Variants in GRIP1 observed in about 807,000 individuals in gnomAD.
GRIP1 encodes the protein glutamate receptor interacting protein 1.
Under a neutral mutation model 129.9 loss-of-function variants are expected in GRIP1, and 45 were observed. That is an observed-to-expected ratio of 0.35 (90% CI 0.27 to 0.44). GRIP1 has a LOEUF of 0.44. Ranked by LOEUF, GRIP1 falls within the 20% of genes least tolerant of loss-of-function variation. The probability of loss-of-function intolerance (pLI) is 1.00; values close to 1 mark genes in which losing one functional copy is unlikely to be tolerated. For synonymous variants in GRIP1, 530 were observed against 520.8 expected, an observed-to-expected ratio of 1.02 and a Z score of -0.24; for missense variants, 1,196 against 1,396.8, an observed-to-expected ratio of 0.86 and a Z score of 2.29.
chr12:67,036,474 C>G (rs774393), intron 1 of GRIP1, among the ~76,000 whole-genome samples: 48,891 of 151,662 alleles, frequency 0.32, 9,517 homozygotes, highest in East Asian at 0.59. Flanking sequence ...ATTACAGGTG[C>G]CCACCACTAT....
At chr12:66,902,446 A>G (rs142078459) in intron 1 of GRIP1, among the ~76,000 whole-genome samples, 158 of 152,280 alleles carry the variant, frequency 1.0e-3, no homozygotes, top group African/African-American at 3.5e-3. Flanking sequence ...ATGGTGCAGA[A>G]GTATGTGAAC....
At chr12:66,879,040 ATAC>A (rs1333292253) in intron 1 of GRIP1, among the ~76,000 whole-genome samples, 2 of 152,072 alleles carry the variant, frequency 1.3e-5, no homozygotes, top group Non-Finnish European at 2.9e-5. Flanking sequence ...AATGCATTGC[ATAC>A]TACATAATGT....
rs540360007 is a variant in GRIP1, at chr12:67,000,903, C to T, written c.58+68147G>A. On this transcript the variant is annotated intron_variant, in intron 1 of 1. Coordinates refer to the GRIP1 transcript ENST00000643019. Reference sequence around the variant, plus strand: ...AAAACTGTTTCAGGATAAGGATGCCCCACGCAATATTTGGGTAATATACTC... The same window carrying T: ...AAAACTGTTTCAGGATAAGGATGCCTCACGCAATATTTGGGTAATATACTC... Among the ~76,000 whole-genome samples, 5 of 152,144 alleles carry T rather than the reference C, an allele frequency of 3.3e-5. No homozygotes were observed. The South Asian group carries it at 1.0e-3, about 32-fold the overall frequency.
intron 1 of GRIP1, among the ~76,000 whole-genome samples, chr12:66,978,692 G>A (rs1325476047): frequency 1.3e-5 from 2 of 152,012 alleles, no homozygotes; most frequent in Admixed American, 1.3e-4. Flanking sequence ...AAGAAGTATT[G>A]GCGTCAAAAG....
chr12:66,732,301 A>AG (rs2036463244), intron 1 of GRIP1, among the ~76,000 whole-genome samples: 1 of 152,170 alleles, frequency 6.6e-6, no homozygotes, highest in Non-Finnish European at 1.5e-5. Flanking sequence ...CTGTAATCCC[A>AG]GTACTTTGAG....
At position 66,679,041 on chromosome 12, in the gene GRIP1, C is replaced by T. The variant is rs2034471853; in HGVS notation, c.-137G>A. 1 of 1,548,370 alleles carries T rather than the reference C, an allele frequency of 6.5e-7. No individual in the cohort carries two copies. Among genetic ancestry groups the T allele is most frequent in the Admixed American group, 1.9e-5 (1 of 51,788 alleles). ...AGTGGGGAGTGACAAAGCTTAATTC[C>T]TCTTGGCTGATGCAGAGGTCCGCTA... On this transcript the variant is annotated 5_prime_UTR_variant, in exon 1 of 25. Transcript: ENST00000359742.
intron 11 of GRIP1, 45 bp downstream of exon 11, chr12:66,455,364 C>A: frequency 6.3e-7 from 1 of 1,593,048 alleles, no homozygotes; most frequent in Non-Finnish European, 8.6e-7. Context: ...CCATTGCCCA[C>A]AGGTTTTTTC....
At chr12:66,483,902 C>A (rs1315403437) in intron 7 of GRIP1, among the ~76,000 whole-genome samples, 2 of 151,576 alleles carry the variant, frequency 1.3e-5, no homozygotes, top group African/African-American at 4.9e-5. Context: ...CTCTGTCGCC[C>A]AGGCTGGAGT....
chr12:66,377,009 G>A lies in GRIP1; in HGVS notation c.2778+8C>T, dbSNP rs1308812463. Reference sequence around the variant, plus strand: ...ACAAGCAAAAATATAAACATAAAGGGTAGCTACCAAGAGAGTCATGTTTCT... The same window carrying A: ...ACAAGCAAAAATATAAACATAAAGGATAGCTACCAAGAGAGTCATGTTTCT... On this transcript the variant is annotated splice_region_variant and intron_variant, in intron 22 of 24. Transcript: ENST00000359742. The A allele has an allele frequency of 1.1e-5, 17 of 1,600,668 alleles. No homozygotes were observed. Among genetic ancestry groups the A allele is most frequent in the Non-Finnish European group, 1.3e-5 (15 of 1,167,714 alleles).
At chr12:66,804,415 A>G (rs2038944292), upstream of GRIP1, among the ~76,000 whole-genome samples, 1 of 152,184 alleles carries the variant, frequency 6.6e-6, no homozygotes, top group African/African-American at 2.4e-5. Context: ...AGATCAATAA[A>G]CTGTCAAATC....
intron 1 of GRIP1, among the ~76,000 whole-genome samples, chr12:66,947,884 T>A (rs950587835): frequency 1.2e-4 from 18 of 152,226 alleles, no homozygotes; most frequent in African/African-American, 4.1e-4. Context: ...GAAGGAACCA[T>A]CTTCATGTTC....
chr12:66,430,511 C>G (rs1001424283), intron 14 of GRIP1, among the ~76,000 whole-genome samples: 3 of 152,242 alleles, frequency 2.0e-5, no homozygotes, highest in Non-Finnish European at 2.9e-5. Flanking sequence ...AAGTAAAACA[C>G]TCATGCAAAA....
At chr12:66,353,076 T>G (rs1412711912) in intron 24 of GRIP1, among the ~76,000 whole-genome samples, 1 of 152,136 alleles carries the variant, frequency 6.6e-6, no homozygotes, top group Non-Finnish European at 1.5e-5. Flanking sequence ...AGGACTAGAC[T>G]GGTGGTGCCT....
intron 1 of GRIP1, among the ~76,000 whole-genome samples, chr12:67,024,624 A>C (rs919567641): frequency 6.6e-6 from 1 of 152,204 alleles, no homozygotes; most frequent in African/African-American, 2.4e-5. Context: ...CTAAATGCAA[A>C]GTCTAAATTA....
At chr12:66,476,864 G>T (rs2059631960) in intron 7 of GRIP1, among the ~76,000 whole-genome samples, 1 of 152,160 alleles carries the variant, frequency 6.6e-6, no homozygotes, top group African/African-American at 2.4e-5. Flanking sequence ...ATTAGGTATT[G>T]ATGGGACGTA....
intron 16 of GRIP1, among the ~76,000 whole-genome samples, chr12:66,396,859 C>G (rs530887918): frequency 6.6e-6 from 1 of 151,964 alleles, no homozygotes; most frequent in South Asian, 2.1e-4. Flanking sequence ...ACCTGTAATC[C>G]CAGCGCTTTG....
chr12:66,698,676 T>C (rs529958831), intron 1 of GRIP1, among the ~76,000 whole-genome samples: 2 of 152,294 alleles, frequency 1.3e-5, no homozygotes, highest in East Asian at 3.9e-4. Context: ...ACCTCCTTTG[T>C]TGGCTCTAGG....
At chr12:66,755,726 A>G (rs1052954971) in intron 1 of GRIP1, among the ~76,000 whole-genome samples, 6 of 152,188 alleles carry the variant, frequency 3.9e-5, no homozygotes, top group African/African-American at 1.4e-4. Flanking sequence ...GGCAGTCCAC[A>G]CTACAGCTGG....
chr12:66,530,737 A>G (rs2061411600), intron 4 of GRIP1, among the ~76,000 whole-genome samples: 1 of 152,156 alleles, frequency 6.6e-6, no homozygotes, highest in Admixed American at 6.6e-5. Context: ...CTGCATAAAA[A>G]AACCCATAAA....
Sources: gnomAD v4.1 joint callset for allele counts (sites outside exome capture counted in the v4.1 genomes callset) on GRCh38, gnomAD v4.1.1 for gene constraint, MANE v1.5 for transcripts, NCBI Gene and HGNC (gene_info 2026-07-23, HGNC 2026-07-21) for gene names.